The following PRR5 variants were observed in gnomAD, a reference collection of about 807,000 sequenced individuals.
PRR5 encodes proline-rich protein 5.
PRR5 carries 25 observed loss-of-function variants against 30.6 expected under a neutral mutation model. The observed-to-expected ratio is 0.82, with a 90% CI of 0.60 to 1.14. The LOEUF (loss-of-function observed/expected upper bound fraction) is 1.14, where lower values mean the gene tolerates loss of function less well. Ranked by LOEUF, PRR5 falls within the 50% of genes most tolerant of loss-of-function variation. The probability of loss-of-function intolerance (pLI) is 0.00; values close to 1 mark genes in which losing one functional copy is unlikely to be tolerated. For missense variants in PRR5, 600 were observed against 547.1 expected, an observed-to-expected ratio of 1.10 and a Z score of -0.96; for synonymous variants, 286 against 247.1, an observed-to-expected ratio of 1.16 and a Z score of -1.48.
chr22:44,710,540 G>A (rs116673810), intron 1 of PRR5, among the ~76,000 whole-genome samples: 160 of 152,312 alleles, frequency 1.1e-3, no homozygotes, highest in African/African-American at 3.8e-3. Flanking sequence ...AGGGGCAGCT[G>A]GGGTTTCGTT....
intron 4 of PRR5, among the ~76,000 whole-genome samples, chr22:44,727,670 G>T (rs1329152705): frequency 3.3e-5 from 5 of 152,168 alleles, no homozygotes; most frequent in African/African-American, 4.8e-5. Flanking sequence ...GCTGCCCCAG[G>T]CTCCTCCTCC....
intron 1 of PRR5, among the ~76,000 whole-genome samples, chr22:44,683,566 C>T (rs1042785617): frequency 6.6e-6 from 1 of 152,202 alleles, no homozygotes; most frequent in Non-Finnish European, 1.5e-5. Flanking sequence ...CCCAGCACCC[C>T]GAAGGAGGGC....
At chr22:44,673,559 G>C (rs1157314456), upstream of PRR5, among the ~76,000 whole-genome samples, 1 of 152,120 alleles carries the variant, frequency 6.6e-6, no homozygotes, top group Non-Finnish European at 1.5e-5. Context: ...GAGGCATTTG[G>C]GTCTGATTTA....
At chr22:44,715,760 C>T (rs1928959516) in intron 2 of PRR5, among the ~76,000 whole-genome samples, 1 of 152,110 alleles carries the variant, frequency 6.6e-6, no homozygotes, top group African/African-American at 2.4e-5. Context: ...TGAAGCAACC[C>T]TCCCACCTCA....
upstream of PRR5, chr22:44,702,103 G>T (rs1926370716): frequency 4.5e-6 from 1 of 222,290 alleles, no homozygotes; most frequent in Admixed American, 6.3e-5. Flanking sequence ...ACGCCCCCTC[G>T]CCTGAGGCCC....
intron 4 of PRR5, chr22:44,730,495 A>G: frequency 1.0e-6 from 1 of 988,870 alleles, no homozygotes; most frequent in South Asian, 4.6e-5. Flanking sequence ...CAGCTTGGGC[A>G]GCTGTCCCCG....
chr22:44,731,861 T>C (rs761617350), intron 5 of PRR5, 40 bp downstream of exon 5: 2 of 1,590,824 alleles, frequency 1.3e-6, no homozygotes, highest in Admixed American at 1.7e-5. Flanking sequence ...CCAGTGCCCC[T>C]GCTGTGCCCA....
intron 1 of PRR5, among the ~76,000 whole-genome samples, chr22:44,709,548 A>T (rs921819302): frequency 6.6e-6 from 1 of 152,124 alleles, no homozygotes; most frequent in South Asian, 2.1e-4. Flanking sequence ...ATTTTAGTCC[A>T]GGGAAACTGA....
At chr22:44,725,375 G>A in intron 3 of PRR5, 83 bp downstream of exon 3, 1 of 1,577,368 alleles carries the variant, frequency 6.3e-7, no homozygotes, top group Non-Finnish European at 8.6e-7. Flanking sequence ...CCCCGGGGGT[G>A]TGGAGCGCCG....
chr22:44,729,663 A>C, intron 4 of PRR5: 1 of 985,410 alleles, frequency 1.0e-6, no homozygotes, highest in Non-Finnish European at 1.2e-6. Flanking sequence ...TGCCCCACAG[A>C]GGGGCCCCCA....
chr22:44,729,132 G>A (rs1288135516), intron 4 of PRR5, among the ~76,000 whole-genome samples: 1 of 152,160 alleles, frequency 6.6e-6, no homozygotes, highest in African/African-American at 2.4e-5. Flanking sequence ...ATCCAAACCC[G>A]GTATGGGTCA....
In PRR5 at chr22:44,733,067, C is replaced by T. The variant is rs36143263; in HGVS notation, c.555+676C>T. 4.1e-3 allele frequency among the ~76,000 whole-genome samples: 621 copies of T among 152,388 alleles called. 4 individuals carry two copies. Among genetic ancestry groups the T allele is most frequent in the Non-Finnish European group, 5.5e-3 (375 of 68,042 alleles). ...ACTTGCATGCACGCACACATACACA[C>T]AGTGTCCCAGTCATTTCTGCCCAGA... On this transcript the variant is annotated intron_variant, in intron 6 of 7. Coordinates refer to ENST00000336985, the MANE Select transcript of PRR5 (RefSeq NM_181333.4).
chr22:44,719,347 A>T (rs1237129283), intron 2 of PRR5, among the ~76,000 whole-genome samples: 1 of 152,160 alleles, frequency 6.6e-6, no homozygotes, highest in Non-Finnish European at 1.5e-5. Flanking sequence ...TGTTGGGATT[A>T]TAGGCGTGAG....
intron 5 of PRR5, 64 bp from the exon 6 acceptor site, chr22:44,732,187 G>T (rs551780571): frequency 1.3e-6 from 2 of 1,585,564 alleles, no homozygotes; most frequent in South Asian, 2.2e-5. Flanking sequence ...TCCCAGGACC[G>T]GGAGAGGGGA....
chr22:44,719,729 A>C (rs1011515803), intron 2 of PRR5, among the ~76,000 whole-genome samples: 7 of 152,148 alleles, frequency 4.6e-5, no homozygotes, highest in Non-Finnish European at 7.4e-5. Context: ...TCCTCAGGTT[A>C]GCGCAGGAGT....
intron 4 of PRR5, chr22:44,729,927 C>CT (rs1240124215): frequency 3.9e-5 from 38 of 985,480 alleles, no homozygotes; most frequent in Non-Finnish European, 4.6e-5. Flanking sequence ...ACTGAAGGGA[C>CT]TTTGTGTGTG....
In PRR5 at chr22:44,737,491, G is replaced by C. The variant is rs1462792303; in HGVS notation, c.*244G>C. The stretch of plus-strand genomic sequence containing the variant: ...TACCCAGGGGCCGGGCCAGAGACGG[G>C]GGTCGGCCGCTCGCTCCCACGCTCC... On this transcript the variant is annotated 3_prime_UTR_variant, in exon 8 of 8. Transcript: ENST00000336985. 1 of 738,014 alleles carries C rather than the reference G, an allele frequency of 1.4e-6. No homozygotes were observed. Among genetic ancestry groups the C allele is most frequent in the Non-Finnish European group, 2.0e-6 (1 of 494,422 alleles). 45.7% of individuals were successfully genotyped at this position (738,014 alleles called of 1,614,324 possible).
chr22:44,719,893 C>G (rs1252080368), intron 2 of PRR5, among the ~76,000 whole-genome samples: 1 of 152,216 alleles, frequency 6.6e-6, no homozygotes, highest in Non-Finnish European at 1.5e-5. Flanking sequence ...GATGGGATGT[C>G]CCAGCCTCTG....
intron 1 of PRR5, among the ~76,000 whole-genome samples, chr22:44,686,368 G>A (rs751175456): frequency 2.0e-5 from 3 of 151,952 alleles, no homozygotes; most frequent in Non-Finnish European, 4.4e-5. Context: ...ACAGGGACTC[G>A]CTCTGTCGCC....
Sources: allele counts gnomAD v4.1 joint callset (sites outside exome capture counted in the v4.1 genomes callset), GRCh38; gene constraint gnomAD v4.1.1; transcripts MANE v1.5; gene names NCBI Gene and HGNC (gene_info 2026-07-23, HGNC 2026-07-21).